Variants in GABRR3 observed in about 807,000 individuals in gnomAD.
The protein encoded by GABRR3 is gamma-aminobutyric acid receptor subunit rho-3.
GABRR3 carries 29 observed loss-of-function variants against 43.2 expected under a neutral mutation model. The observed-to-expected ratio is 0.67, with a 90% confidence interval of 0.50 to 0.92. The LOEUF (loss-of-function observed/expected upper bound fraction) is 0.92. Ranked by LOEUF, GABRR3 falls within the 40% of genes least tolerant of loss-of-function variation. GABRR3 has a pLI of 0.00. For missense variants in GABRR3, 576 were observed against 572.3 expected (o/e 1.01, Z -0.07); for synonymous variants, 206 against 195.9 (o/e 1.05, Z -0.43).
intron 4 of GABRR3, among the ~76,000 whole-genome samples, chr3:98,014,591 G>A (rs544474573): frequency 8.5e-4 from 130 of 152,228 alleles, no homozygotes; most frequent in Non-Finnish European, 1.4e-3. Context: ...GACTTACATT[G>A]AGCTGAAATA....
intron 7 of GABRR3, among the ~76,000 whole-genome samples, chr3:98,006,706 G>A (rs1706727509): frequency 6.6e-6 from 1 of 152,138 alleles, no homozygotes; most frequent in Admixed American, 6.5e-5. Flanking sequence ...ATCTGAAGTG[G>A]CATTTTATAT....
chr3:97,998,003 A>G (rs959308060), intron 8 of GABRR3: 1 of 152,170 alleles, frequency 6.6e-6, no homozygotes, highest in Non-Finnish European at 1.5e-5. Context: ...TTATATCTCC[A>G]CTACTAGAAA....
At chr3:98,000,650 TGTGAACATTAACTTACAAA>T (rs1706626353) in intron 8 of GABRR3, 3 of 152,158 alleles carry the variant, frequency 2.0e-5, no homozygotes, top group Admixed American at 6.6e-5. Flanking sequence ...GCATATAATT[TGTGAACATTAACTTACAAA>T]CCACCCTTTC....
chr3:97,991,274 C>T (rs2107225420), intron 9 of GABRR3, among the ~76,000 whole-genome samples: 1 of 152,292 alleles, frequency 6.6e-6, no homozygotes, highest in East Asian at 1.9e-4. Flanking sequence ...ACAGACTATC[C>T]AAATCATTGC....
chr3:98,007,488 T>C (rs1054244796), intron 7 of GABRR3, among the ~76,000 whole-genome samples: 3 of 152,160 alleles, frequency 2.0e-5, no homozygotes, highest in Admixed American at 6.5e-5. Context: ...CAGGAAAGAA[T>C]TGTGAACTTT....
At chr3:98,012,411 G>C in exon 5 of GABRR3, 4 of 1,613,964 alleles carry the variant, frequency 2.5e-6, no homozygotes, top group Non-Finnish European at 3.4e-6. Flanking sequence ...GTTGTATCAT[G>C]GATGAAGGAT....
At chr3:98,013,123 C>T (rs1023800757) in intron 4 of GABRR3, among the ~76,000 whole-genome samples, 1 of 152,148 alleles carries the variant, frequency 6.6e-6, no homozygotes, top group African/African-American at 2.4e-5. Context: ...TCATCCTCAG[C>T]TTGAGAGATA....
intron 2 of GABRR3, among the ~76,000 whole-genome samples, chr3:98,029,561 C>T (rs996381102): frequency 1.2e-4 from 18 of 152,110 alleles, no homozygotes; most frequent in Admixed American, 9.8e-4. Context: ...CACACACACT[C>T]GGTTGGCTGC....
At chr3:97,989,556 C>T (rs898291284) in intron 9 of GABRR3, among the ~76,000 whole-genome samples, 1 of 151,708 alleles carries the variant, frequency 6.6e-6, no homozygotes, top group African/African-American at 2.4e-5. Flanking sequence ...GTGATGAAAA[C>T]AAGTTTTGCC....
At chr3:97,993,189 C>T in intron 8 of GABRR3, 141 bp from the exon 9 acceptor site, 1 of 560,354 alleles carries the variant, frequency 1.8e-6, no homozygotes, top group Non-Finnish European at 3.0e-6. Flanking sequence ...GCATGTTGAC[C>T]AGCTATATAT....
At chr3:98,012,172 A>T (rs1356126064) in intron 5 of GABRR3, among the ~76,000 whole-genome samples, 172 bp downstream of exon 5, 2 of 152,214 alleles carry the variant, frequency 1.3e-5, no homozygotes, top group African/African-American at 4.8e-5. Context: ...ATCATTTTTT[A>T]AAATCTGGAT....
rs766426986 is a variant in GABRR3, at chr3:98,001,771, T to C, written c.755-4A>G. Reference sequence around the variant, plus strand: ...ATGAAAAGCCTATTGTACCAACCTGTGGAAAAAAGCCAAAGTTTTCATTAG... The same window carrying C: ...ATGAAAAGCCTATTGTACCAACCTGCGGAAAAAAGCCAAAGTTTTCATTAG... On this transcript the variant is annotated splice_polypyrimidine_tract_variant and splice_region_variant and intron_variant, in intron 7 of 9. Coordinates refer to ENST00000621172, the Ensembl canonical transcript of GABRR3. 9 of 1,612,432 alleles carry C rather than the reference T, an allele frequency of 5.6e-6. No homozygotes were observed. The South Asian group carries it at 9.9e-5, about 18-fold the overall frequency.
intron 8 of GABRR3, among the ~76,000 whole-genome samples, chr3:97,994,716 A>T (rs1285164296): frequency 1.3e-5 from 2 of 152,348 alleles, no homozygotes; most frequent in East Asian, 3.9e-4. Flanking sequence ...CCACATATCT[A>T]GGTAAATAAT....
intron 2 of GABRR3, among the ~76,000 whole-genome samples, chr3:98,031,818 G>A (rs1707090095): frequency 6.6e-6 from 1 of 152,076 alleles, no homozygotes; most frequent in South Asian, 2.1e-4. Context: ...GTTTCCCTCA[G>A]AGGAGCATAT....
At chr3:97,990,228 C>T (rs1436489029) in intron 9 of GABRR3, among the ~76,000 whole-genome samples, 1 of 152,150 alleles carries the variant, frequency 6.6e-6, no homozygotes, top group Non-Finnish European at 1.5e-5. Flanking sequence ...ATCATAACAG[C>T]CCTGTGAAGT....
chr3:98,009,409 T>A (rs1464847637), intron 5 of GABRR3, among the ~76,000 whole-genome samples: 1 of 152,182 alleles, frequency 6.6e-6, no homozygotes, highest in Non-Finnish European at 1.5e-5. Flanking sequence ...ACATAAATAG[T>A]CTGTAGTAAC....
chr3:97,986,826 G>A (rs774287557), exon 10 of GABRR3: 14 of 1,612,538 alleles, frequency 8.7e-6, no homozygotes, highest in African/African-American at 4.0e-5. Flanking sequence ...CTCTTTATCC[G>A]AGATGAATCG....
intron 3 of GABRR3, among the ~76,000 whole-genome samples, chr3:98,023,012 G>T (rs1706970193): frequency 6.6e-6 from 1 of 152,116 alleles, no homozygotes; most frequent in Non-Finnish European, 1.5e-5. Context: ...TAAGAGAGGA[G>T]AGTTGGCTCT....
intron 3 of GABRR3, 106 bp from the exon 4 acceptor site, chr3:98,017,828 T>TA (rs1706890248): frequency 1.3e-6 from 1 of 745,970 alleles, no homozygotes; most frequent in South Asian, 1.9e-5. Flanking sequence ...GAATTACTGT[T>TA]AAAGTTTTTT....
Sources: allele counts gnomAD v4.1 joint callset (sites outside exome capture counted in the v4.1 genomes callset), GRCh38; gene constraint gnomAD v4.1.1; transcripts MANE v1.5; gene names NCBI Gene and HGNC (gene_info 2026-07-23, HGNC 2026-07-21).